Variants in FGF14 observed in about 807,000 individuals in gnomAD.
FGF14 encodes the protein fibroblast growth factor 14.
A neutral mutation model predicts 25.5 loss-of-function variants in FGF14; 5 were observed. That is an observed-to-expected ratio of 0.20 (90% confidence interval 0.10 to 0.41). The LOEUF (loss-of-function observed/expected upper bound fraction) is 0.41, where lower values mean the gene tolerates loss of function less well. Ranked by LOEUF, FGF14 falls within the 10% of genes least tolerant of loss-of-function variation. The pLI is 1.00. For missense variants in FGF14, 222 were observed against 320.1 expected (o/e 0.69, Z 2.34); for synonymous variants, 138 against 118.3 (o/e 1.17, Z -1.08).
chr13:101,825,165 C>A (rs2042340277), intron 3 of FGF14, among the ~76,000 whole-genome samples: 1 of 152,202 alleles, frequency 6.6e-6, no homozygotes. Flanking sequence ...GAGGCCAGGA[C>A]TTCCAATTAG....
At chr13:102,137,267 G>A (rs142441380) in intron 1 of FGF14, among the ~76,000 whole-genome samples, 93 of 152,246 alleles carry the variant, frequency 6.1e-4, no homozygotes, top group African/African-American at 2.2e-3. Context: ...AACTGACAAG[G>A]ATTAAAAGCC....
chr13:101,952,717 G>A (rs761117606), intron 1 of FGF14, among the ~76,000 whole-genome samples: 60 of 152,110 alleles, frequency 3.9e-4, no homozygotes, highest in Non-Finnish European at 6.2e-4. Flanking sequence ...TCTGATGAAT[G>A]GATCAACATA....
intron 1 of FGF14, among the ~76,000 whole-genome samples, chr13:101,999,527 A>T (rs2039367197): frequency 6.6e-6 from 1 of 152,190 alleles, no homozygotes; most frequent in Non-Finnish European, 1.5e-5. Flanking sequence ...GGACAGAAGA[A>T]TCCATGAGTG....
chr13:102,145,051 G>A (rs1471254590), intron 1 of FGF14, among the ~76,000 whole-genome samples: 1 of 152,060 alleles, frequency 6.6e-6, no homozygotes, highest in African/African-American at 2.4e-5. Context: ...TATGCTATCT[G>A]ACTAATGTGA....
intron 1 of FGF14, among the ~76,000 whole-genome samples, chr13:102,320,160 G>C (rs1282228925): frequency 6.6e-6 from 1 of 151,762 alleles, no homozygotes; most frequent in Non-Finnish European, 1.5e-5. Context: ...TCCTAGATTT[G>C]AGTCCCAGTC....
At chr13:102,280,462 CAAGA>C in intron 1 of FGF14, among the ~76,000 whole-genome samples, 1 of 152,088 alleles carries the variant, frequency 6.6e-6, no homozygotes, top group Non-Finnish European at 1.5e-5. Context: ...GAGAAGATAT[CAAGA>C]AAGGAGAGAG....
At chr13:101,877,183 G>C (rs924326755) in intron 1 of FGF14, among the ~76,000 whole-genome samples, 1 of 152,108 alleles carries the variant, frequency 6.6e-6, no homozygotes, top group East Asian at 1.9e-4. Context: ...CTTATACAGA[G>C]AGATTTGGGA....
At chr13:102,048,341 T>C (rs1472444110) in intron 1 of FGF14, among the ~76,000 whole-genome samples, 1 of 152,206 alleles carries the variant, frequency 6.6e-6, no homozygotes, top group Admixed American at 6.5e-5. Flanking sequence ...GTGAAAATTG[T>C]ATGGGATAAT....
intron 1 of FGF14, among the ~76,000 whole-genome samples, chr13:101,879,376 A>T (rs1318073879): frequency 6.6e-6 from 1 of 152,174 alleles, no homozygotes; most frequent in Non-Finnish European, 1.5e-5. Flanking sequence ...GTTTCATAAT[A>T]TATTACCCTC....
rs2034558722 is a variant in FGF14, at chr13:101,713,223, G to T, written c.*9608C>A. Reference sequence around the variant, plus strand: ...TCACATAGTTGAGACACATGAACCTGAATCCTTTCATGATATCTGTGATGA... The same window carrying T: ...TCACATAGTTGAGACACATGAACCTTAATCCTTTCATGATATCTGTGATGA... On this transcript the variant is annotated 3_prime_UTR_variant, in exon 5 of 5. Transcript: ENST00000376143. 6.6e-6 allele frequency: 1 copy of T among 152,128 alleles called. No homozygotes were observed. Among genetic ancestry groups the T allele is most frequent in the Non-Finnish European group, 1.5e-5 (1 of 68,028 alleles). 9.4% of individuals were successfully genotyped at this position (152,128 alleles called of 1,614,324 possible). A position where few individuals can be genotyped will look rare whatever the true frequency, so the allele number is the denominator to read the frequency against.
chr13:102,179,272 G>A (rs1202342407), intron 1 of FGF14, among the ~76,000 whole-genome samples: 1 of 152,052 alleles, frequency 6.6e-6, no homozygotes, highest in Non-Finnish European at 1.5e-5. Flanking sequence ...CCCTGTCTCT[G>A]CCTCTACCAC....
chr13:101,901,443 C>T (rs1365954966), intron 1 of FGF14, among the ~76,000 whole-genome samples: 1 of 152,156 alleles, frequency 6.6e-6, no homozygotes, highest in African/African-American at 2.4e-5. Context: ...GTGGCTCATG[C>T]CTGCAATCCC....
chr13:101,918,274 G>T (rs1463498517), upstream of FGF14, among the ~76,000 whole-genome samples: 1 of 152,192 alleles, frequency 6.6e-6, no homozygotes, highest in Non-Finnish European at 1.5e-5. Context: ...TGGTTTCTAG[G>T]ATACACCAGA....
chr13:101,822,751 C>T (rs2042218617), intron 3 of FGF14, among the ~76,000 whole-genome samples: 1 of 152,160 alleles, frequency 6.6e-6, no homozygotes, highest in Non-Finnish European at 1.5e-5. Context: ...ATCCACTCTT[C>T]TAGTTATTTT....
chr13:101,870,444 T>C (rs764823456), intron 2 of FGF14, among the ~76,000 whole-genome samples: 2 of 152,214 alleles, frequency 1.3e-5, no homozygotes, highest in Non-Finnish European at 2.9e-5. Flanking sequence ...AATTTAATTA[T>C]TCTAACTTTC....
chr13:101,929,690 AT>A (rs2034620193), intron 1 of FGF14, among the ~76,000 whole-genome samples: 1 of 152,138 alleles, frequency 6.6e-6, no homozygotes, highest in South Asian at 2.1e-4. Flanking sequence ...AAATGTACAC[AT>A]TATATGGCAT....
At chr13:102,000,232 T>C (rs1027588410) in intron 1 of FGF14, among the ~76,000 whole-genome samples, 1 of 152,140 alleles carries the variant, frequency 6.6e-6, no homozygotes, top group Non-Finnish European at 1.5e-5. Context: ...GACAGGAGAA[T>C]GGCTTGAACC....
Position 102,382,128 on chromosome 13 carries a change from C to T in FGF14, c.208+19343G>A, listed in dbSNP as rs73566189. Among the ~76,000 whole-genome samples, 406 of 152,238 alleles carry T rather than the reference C, an allele frequency of 2.7e-3. 3 individuals are homozygous for T. Among genetic ancestry groups the T allele is most frequent in the African/African-American group, 9.3e-3 (388 of 41,564 alleles). On this transcript the variant is annotated intron_variant, in intron 1 of 4. Transcript: ENST00000376131. ...CTATGTAAGTGACAAAGAATAAACA[C>T]ATAAACTAGACTTCAACGAAATTAA...
chr13:102,317,781 T>C (rs1049728177), intron 1 of FGF14, among the ~76,000 whole-genome samples: 1 of 152,122 alleles, frequency 6.6e-6, no homozygotes, highest in African/African-American at 2.4e-5. Context: ...TGCTTGGCCT[T>C]CTGTTAAGAG....
Sources: gnomAD v4.1 joint callset for allele counts (sites outside exome capture counted in the v4.1 genomes callset) on GRCh38, gnomAD v4.1.1 for gene constraint, MANE v1.5 for transcripts, NCBI Gene and HGNC (gene_info 2026-07-23, HGNC 2026-07-21) for gene names.